Variants in FMR1NB observed in about 807,000 individuals in gnomAD.
The protein encoded by FMR1NB is FMR1 neighbor, also known as FMR1 neighbor protein.
A neutral mutation model predicts 16.8 loss-of-function variants in FMR1NB; 10 were observed. That is an observed-to-expected ratio of 0.60 (90% confidence interval 0.37 to 1.01). The LOEUF is 1.01. FMR1NB is among the 50% of genes least tolerant of loss of function. The probability of loss-of-function intolerance (pLI) is 0.01; values close to 1 mark genes in which losing one functional copy is unlikely to be tolerated. For synonymous variants in FMR1NB, 83 were observed against 79.1 expected, an observed-to-expected ratio of 1.05 and a Z score of -0.26; for missense variants, 205 against 204.8, an observed-to-expected ratio of 1.00 and a Z score of 0.00.
chrX:147,996,616 T>C (rs2044543221), intron 1 of FMR1NB, among the ~76,000 whole-genome samples: 1 of 111,298 alleles, frequency 9.0e-6, no homozygotes, highest in African/African-American at 3.3e-5. Flanking sequence ...ACATAATTTG[T>C]AAAATGAAAA....
intron 1 of FMR1NB, among the ~76,000 whole-genome samples, chrX:147,984,247 GCCC>G (rs1557186890): frequency 9.0e-5 from 10 of 111,276 alleles, no homozygotes; most frequent in Non-Finnish European, 1.9e-4. Flanking sequence ...TTCCGTTTCT[GCCC>G]CAAGCCCATT....
intron 1 of FMR1NB, 107 bp downstream of exon 1, chrX:147,981,786 C>A: frequency 2.2e-6 from 2 of 902,242 alleles, no homozygotes; most frequent in Non-Finnish European, 3.0e-6. Context: ...GGCCTTCCTG[C>A]CCCTTCCTGT....
At chrX:147,998,981 A>G (rs1389550783) in intron 1 of FMR1NB, among the ~76,000 whole-genome samples, 5 of 112,067 alleles carry the variant, frequency 4.5e-5, no homozygotes, top group African/African-American at 1.6e-4. Context: ...AATGACCGAA[A>G]GATCTATAAA....
At chrX:148,001,672 C>T (rs1557188658) in intron 1 of FMR1NB, among the ~76,000 whole-genome samples, 1 of 110,364 alleles carries the variant, frequency 9.1e-6, no homozygotes, top group Non-Finnish European at 1.9e-5. Flanking sequence ...ATCACTTGAA[C>T]CAGGAAGGCG....
At chrX:147,987,083 A>G (rs1261331023) in intron 1 of FMR1NB, among the ~76,000 whole-genome samples, 5 of 110,819 alleles carry the variant, frequency 4.5e-5, no homozygotes, top group South Asian at 3.9e-4. Context: ...CTTTGTAGCA[A>G]TTGTGAATGG....
chrX:148,022,737 A>C (rs1457988483), intron 4 of FMR1NB, among the ~76,000 whole-genome samples: 5 of 111,665 alleles, frequency 4.5e-5, no homozygotes, highest in African/African-American at 6.5e-5. Context: ...GGCTGAACAA[A>C]AACCAAGTCC....
intron 1 of FMR1NB, among the ~76,000 whole-genome samples, chrX:147,989,213 G>T (rs2044491633): frequency 8.9e-6 from 1 of 112,213 alleles, no homozygotes; most frequent in Non-Finnish European, 1.9e-5. Context: ...TGATGTTGAT[G>T]TTACTGCTTT....
chrX:147,988,395 T>C (rs1158152514), intron 1 of FMR1NB, among the ~76,000 whole-genome samples: 1 of 112,120 alleles, frequency 8.9e-6, no homozygotes, highest in Non-Finnish European at 1.9e-5. Context: ...TCTGATGGGC[T>C]TCCCTTTGTA....
intron 2 of FMR1NB, among the ~76,000 whole-genome samples, chrX:148,005,893 A>G (rs1272172202): frequency 4.4e-5 from 5 of 112,453 alleles, no homozygotes; most frequent in Non-Finnish European, 9.4e-5. Flanking sequence ...AATATCAGTT[A>G]CTACTTTTAA....
chrX:147,997,741 G>A (rs1183842113), intron 1 of FMR1NB, among the ~76,000 whole-genome samples: 10 of 110,827 alleles, frequency 9.0e-5, no homozygotes, highest in Non-Finnish European at 1.9e-4. Context: ...GAATCTACAA[G>A]GAGCTTAAAC....
At chrX:148,014,924 CAG>C (rs1557189997) in intron 4 of FMR1NB, among the ~76,000 whole-genome samples, 1 of 112,055 alleles carries the variant, frequency 8.9e-6, no homozygotes, top group Non-Finnish European at 1.9e-5. Flanking sequence ...GGATTACAGA[CAG>C]AAGCCAACAT....
chrX:147,996,541 C>T (rs1354920692), intron 1 of FMR1NB, among the ~76,000 whole-genome samples: 1 of 110,442 alleles, frequency 9.1e-6, no homozygotes, highest in African/African-American at 3.3e-5. Context: ...TGTCTCCTCA[C>T]CCTGTCATTC....
intron 4 of FMR1NB, among the ~76,000 whole-genome samples, chrX:148,022,443 A>T (rs2044684269): frequency 8.9e-6 from 1 of 112,418 alleles, no homozygotes; most frequent in Admixed American, 9.4e-5. Flanking sequence ...CAGGTACCAT[A>T]TCTTAGTCAT....
intron 4 of FMR1NB, 148 bp downstream of exon 4, chrX:148,008,859 C>G (rs781843613): frequency 2.9e-5 from 15 of 510,695 alleles, no homozygotes; most frequent in Non-Finnish European, 4.4e-5. Context: ...AGACCTAAAA[C>G]TAGAGTTGCC....
At chrX:148,015,732 C>T (rs1177430399) in intron 4 of FMR1NB, among the ~76,000 whole-genome samples, 1 of 112,077 alleles carries the variant, frequency 8.9e-6, no homozygotes, top group Non-Finnish European at 1.9e-5. Context: ...GCTTTGTGAC[C>T]TAACACACAG....
intron 4 of FMR1NB, among the ~76,000 whole-genome samples, chrX:148,021,397 C>CT (rs781961309): frequency 0.019 from 1,763 of 90,665 alleles, 46 homozygotes; most frequent in African/African-American, 0.063. Flanking sequence ...TATGAAGGGG[C>CT]TTTTTTTTTT....
chrX:147,984,992 A>C (rs893941653), intron 1 of FMR1NB, among the ~76,000 whole-genome samples: 2 of 112,039 alleles, frequency 1.8e-5, no homozygotes, highest in Admixed American at 9.4e-5. Flanking sequence ...CTTATGTTCA[A>C]CTGTCTTTAG....
chrX:147,993,248 C>T (rs2044523484), intron 1 of FMR1NB, among the ~76,000 whole-genome samples: 1 of 112,767 alleles, frequency 8.9e-6, no homozygotes, highest in Non-Finnish European at 1.9e-5. Context: ...AACCCCGTCT[C>T]CACCAAAACC....
intron 2 of FMR1NB, among the ~76,000 whole-genome samples, chrX:148,003,585 A>G (rs782514241): frequency 8.9e-6 from 1 of 112,638 alleles, no homozygotes; most frequent in Admixed American, 9.5e-5. Context: ...GTTACTGTTT[A>G]TAAAATACTT....
Sources: gnomAD v4.1 joint callset for allele counts (sites outside exome capture counted in the v4.1 genomes callset) on GRCh38, gnomAD v4.1.1 for gene constraint, MANE v1.5 for transcripts, NCBI Gene and HGNC (gene_info 2026-07-23, HGNC 2026-07-21) for gene names.